The following DOCK5 variants were observed in gnomAD, a reference collection of about 807,000 sequenced individuals.
The protein encoded by DOCK5 is dedicator of cytokinesis protein 5.
Under a neutral mutation model 251.8 loss-of-function variants are expected in DOCK5, and 142 were observed. The observed-to-expected ratio is 0.56, with a 90% CI of 0.49 to 0.65. DOCK5 has a LOEUF of 0.65. Among genes scored for constraint, DOCK5 ranks in the 30% least tolerant of loss-of-function variants. DOCK5 has a pLI of 0.00. For synonymous variants in DOCK5, 842 were observed against 835.5 expected, an observed-to-expected ratio of 1.01 and a Z score of -0.13; for missense variants, 2,111 against 2,312.3, an observed-to-expected ratio of 0.91 and a Z score of 1.79.
At chr8:25,407,834 A>AG (rs1801548901) in intron 48 of DOCK5, 149 bp from the exon 49 acceptor site, 1 of 923,970 alleles carries the variant, frequency 1.1e-6, no homozygotes, top group African/African-American at 1.7e-5. Context: ...ACTGCACTCC[A>AG]GCCTGAATGA....
At chr8:25,232,895 C>T (rs546581812) in intron 1 of DOCK5, among the ~76,000 whole-genome samples, 4 of 152,298 alleles carry the variant, frequency 2.6e-5, no homozygotes, top group Admixed American at 2.6e-4. Context: ...AAGCTGTTCT[C>T]ATCCATGTGC....
intron 13 of DOCK5, among the ~76,000 whole-genome samples, chr8:25,316,396 A>G (rs1256130420): frequency 6.6e-6 from 1 of 152,126 alleles, no homozygotes; most frequent in Non-Finnish European, 1.5e-5. Context: ...TGAGAGAATC[A>G]CTTGAGCCCA....
intron 5 of DOCK5, among the ~76,000 whole-genome samples, chr8:25,286,270 A>G (rs927675656): frequency 2.0e-5 from 3 of 152,198 alleles, no homozygotes; most frequent in African/African-American, 7.2e-5. Context: ...ATTTGATTCA[A>G]CGCCAACTGA....
Position 25,372,618 on chromosome 8 carries a change from T to A in DOCK5, c.3584T>A (p.Leu1195His). 6.2e-7 allele frequency: 1 copy of A among 1,606,622 alleles called. No homozygotes were observed. Among genetic ancestry groups the A allele is most frequent in the Non-Finnish European group, 8.5e-7 (1 of 1,176,938 alleles). Reference sequence around the variant, plus strand: ...TCCAGCTCTGGGGAGGTCTTCGCCCTCCTGGTCAGCAGCCTCTTAGAGAAC... The same window carrying A: ...TCCAGCTCTGGGGAGGTCTTCGCCCACCTGGTCAGCAGCCTCTTAGAGAAC... ...YLSSSGEVFA[L>H]LVSSLLENLL... The change falls in exon 35 of 52, where the codon CTC (leucine) becomes CAC (histidine). Residue 1195 changes from leucine (L) to histidine (H), a missense_variant. By Grantham distance (99) the Leu-to-His change is moderately conservative. This residue lies in a region of DOCK5 where 1,717 missense variants were observed against 1,892.4 expected (regional missense o/e 0.91). Coordinates refer to ENST00000276440, the MANE Select transcript of DOCK5 (RefSeq NM_024940.8).
At chr8:25,343,338 A>G (rs2117235462) in intron 25 of DOCK5, among the ~76,000 whole-genome samples, 1 of 152,256 alleles carries the variant, frequency 6.6e-6, no homozygotes, top group East Asian at 1.9e-4. Flanking sequence ...TAAAAATGTC[A>G]TTAATATTCT....
chr8:25,356,797 TAATA>T (rs938602270), intron 27 of DOCK5, among the ~76,000 whole-genome samples: 9 of 151,696 alleles, frequency 5.9e-5, no homozygotes, highest in East Asian at 5.8e-4. Flanking sequence ...TAGAATAAAA[TAATA>T]AATAGATAAC....
In DOCK5 at chr8:25,408,812, G is replaced by A. The variant is rs1241122551; in HGVS notation, c.5276G>A (p.Arg1759Lys). Residue 1759 changes from arginine (R) to lysine (K), a missense_variant, in exon 50 of 52, where the codon AGA becomes AAA. Transcript: ENST00000276440. ...TCTCTCTGGTCCTAGAGCCCAACCAGAAAAGCACAAAGGCCAAAGAGTCTC... is the reference window on the plus strand; with the variant it reads ...TCTCTCTGGTCCTAGAGCCCAACCAAAAAAGCACAAAGGCCAAAGAGTCTC... Reference protein sequence around the residue: ...APEPDLMSPTRKAQRPKSLQL... With the variant: ...APEPDLMSPTKKAQRPKSLQL... 6.2e-7 allele frequency: 1 copy of A among 1,613,890 alleles called. No homozygotes were observed. The highest frequency in any genetic ancestry group is 8.5e-7 in the Non-Finnish European group (1 of 1,179,908).
chr8:25,222,715 C>G (rs1054516552), intron 1 of DOCK5, among the ~76,000 whole-genome samples: 6 of 152,206 alleles, frequency 3.9e-5, no homozygotes, highest in African/African-American at 1.4e-4. Context: ...CCTGGCAGCC[C>G]TGGGCTGTGT....
At position 25,341,012 on chromosome 8, in the gene DOCK5, A is replaced by G. The variant is rs192413558; in HGVS notation, c.2439+24A>G. The G allele has an allele frequency of 1.3e-5, 20 of 1,572,758 alleles. No homozygotes were observed. The East Asian group carries it at 4.1e-4, about 32-fold the overall frequency. On this transcript the variant is annotated intron_variant, in intron 23 of 51. Coordinates refer to ENST00000276440, the MANE Select transcript of DOCK5 (RefSeq NM_024940.8). ...AGGTCAGCCTGGCAGCATCATGGGT[A>G]ACTCTTCTTAGGCTGTGGTAAGGAT...
chr8:25,378,202 T>A (rs7010856), intron 38 of DOCK5, among the ~76,000 whole-genome samples: 28,931 of 152,114 alleles, frequency 0.19, 3,206 homozygotes, highest in African/African-American at 0.3. Context: ...GCAGCCCCCA[T>A]CCTGAGACTA....
intron 11 of DOCK5, 155 bp from the exon 12 acceptor site, chr8:25,308,628 C>A: frequency 1.1e-6 from 1 of 877,924 alleles, no homozygotes; most frequent in Non-Finnish European, 1.6e-6. Flanking sequence ...TTTAAGATGA[C>A]ACAAAATGGA....
chr8:25,334,115 T>C lies in DOCK5; in HGVS notation c.2111T>C (p.Ile704Thr). 1 of 1,613,778 alleles carries C rather than the reference T, an allele frequency of 6.2e-7. No individual in the cohort carries two copies. The highest frequency in any genetic ancestry group is 8.5e-7 in the Non-Finnish European group (1 of 1,179,702). Residue 704 changes from isoleucine (I) to threonine (T), a missense_variant, in exon 21 of 52, where the codon ATA (isoleucine) becomes ACA (threonine). Around this residue, in one of 3 missense-constraint regions of DOCK5, gnomAD observed 1,717 missense variants for 1,892.4 expected, o/e 0.91. Transcript: ENST00000276440. ...FDALVFIISLIGDIKFQHFNP... is the reference protein window; with the variant it reads ...FDALVFIISLTGDIKFQHFNP... ...TGGCAGGTATTTATTATTTCACTGATAGGAGACATCAAGTTCCAGCATTTT... is the reference window on the plus strand; with the variant it reads ...TGGCAGGTATTTATTATTTCACTGACAGGAGACATCAAGTTCCAGCATTTT...
intron 40 of DOCK5, among the ~76,000 whole-genome samples, chr8:25,386,512 T>A (rs575146978): frequency 6.6e-6 from 1 of 152,298 alleles, no homozygotes; most frequent in African/African-American, 2.4e-5. Flanking sequence ...GCAGGAGGAT[T>A]GCTTGAGTAT....
intron 5 of DOCK5, among the ~76,000 whole-genome samples, chr8:25,290,683 T>G (rs559123872): frequency 1.3e-5 from 2 of 152,316 alleles, no homozygotes; most frequent in East Asian, 1.9e-4. Flanking sequence ...TTAGTACATT[T>G]GCTAGAGTGC....
intron 40 of DOCK5, among the ~76,000 whole-genome samples, chr8:25,384,849 C>G (rs1309469450): frequency 6.6e-6 from 1 of 152,094 alleles, no homozygotes; most frequent in Non-Finnish European, 1.5e-5. Context: ...AGGAGAATCA[C>G]TTGAGCTCGG....
rs1229108549 is a variant in DOCK5 at position 25,232,782 on chromosome 8, T to C, written c.44-10892T>C. On this transcript the variant is annotated intron_variant, in intron 1 of 51. Coordinates refer to ENST00000276440, the MANE Select transcript of DOCK5 (RefSeq NM_024940.8). Reference sequence around the variant, plus strand: ...CATTTAGGGGTACAGGAGACAAACATTCAGTCTGTAACACTGCACTACCGA... The same window carrying C: ...CATTTAGGGGTACAGGAGACAAACACTCAGTCTGTAACACTGCACTACCGA... Among the ~76,000 whole-genome samples the C allele has an allele frequency of 2.0e-5, 3 of 152,088 alleles. No homozygotes were observed. In the East Asian group the frequency reaches 5.8e-4, roughly 29 times the overall value.
At chr8:25,198,709 T>A (rs566293079) in intron 1 of DOCK5, among the ~76,000 whole-genome samples, 1 of 152,294 alleles carries the variant, frequency 6.6e-6, no homozygotes, top group South Asian at 2.1e-4. Context: ...CCTCATTTTA[T>A]CAGAAGAAAA....
intron 1 of DOCK5, among the ~76,000 whole-genome samples, chr8:25,236,936 C>G (rs1586252925): frequency 6.6e-6 from 1 of 152,054 alleles, no homozygotes; most frequent in African/African-American, 2.4e-5. Context: ...ATATATGTCT[C>G]CAATGGGTAT....
At chr8:25,379,004 A>G (rs973442653) in intron 38 of DOCK5, among the ~76,000 whole-genome samples, 1 of 152,222 alleles carries the variant, frequency 6.6e-6, no homozygotes, top group African/African-American at 2.4e-5. Flanking sequence ...GAGGGGGTGT[A>G]CCAACAGGGA....
Sources: gnomAD v4.1 joint callset for allele counts (sites outside exome capture counted in the v4.1 genomes callset) on GRCh38, gnomAD v4.1.1 for gene constraint, gnomAD v4.1.1 regional missense constraint, MANE v1.5 for transcripts, NCBI Gene and HGNC (gene_info 2026-07-23, HGNC 2026-07-21) for gene names.